The following PIK3CB variants were observed in gnomAD, a reference collection of about 807,000 sequenced individuals.
The protein encoded by PIK3CB is phosphatidylinositol 4,5-bisphosphate 3-kinase catalytic subunit beta isoform.
In PIK3CB, 39 loss-of-function variants were observed where a neutral mutation model predicts 136.8. The observed-to-expected ratio is 0.29, with a 90% confidence interval of 0.22 to 0.37. The LOEUF is 0.37. Ranked by LOEUF, PIK3CB falls within the 10% of genes least tolerant of loss-of-function variation. The pLI, the probability that PIK3CB is intolerant of heterozygous loss-of-function variation, is 1.00. For synonymous variants in PIK3CB, 428 were observed against 436.6 expected, an observed-to-expected ratio of 0.98 and a Z score of 0.25; for missense variants, 868 against 1,275.4, an observed-to-expected ratio of 0.68 and a Z score of 4.87.
At chr3:138,702,114 T>A (rs1403104154) in intron 12 of PIK3CB, among the ~76,000 whole-genome samples, 1 of 151,622 alleles carries the variant, frequency 6.6e-6, no homozygotes, top group Non-Finnish European at 1.5e-5. Context: ...ATTTTTTTTT[T>A]TTTTTTTAAA....
At chr3:138,825,457 A>G in intron 1 of PIK3CB, 3 of 700,752 alleles carry the variant, frequency 4.3e-6, no homozygotes, top group South Asian at 1.6e-5. Context: ...GGAAATCATT[A>G]AGGAAGTCAG....
intron 3 of PIK3CB, among the ~76,000 whole-genome samples, chr3:138,757,717 G>A (rs1250921638): frequency 6.7e-6 from 1 of 149,834 alleles, no homozygotes; most frequent in African/African-American, 2.5e-5. Context: ...AGGAAGAGAG[G>A]GAGGGAGGAA....
At chr3:138,788,978 AAAAAAAAAAAAAAACAAAAAAC>A (rs2046016301) in intron 2 of PIK3CB, among the ~76,000 whole-genome samples, 2 of 150,676 alleles carry the variant, frequency 1.3e-5, no homozygotes, top group African/African-American at 4.9e-5. Context: ...AAAAAAAAAA[AAAAAAAAAAAAAAACAAAAAAC>A]AACACCACAG....
chr3:138,766,946 A>G (rs536637646), intron 2 of PIK3CB, among the ~76,000 whole-genome samples: 1 of 152,320 alleles, frequency 6.6e-6, no homozygotes, highest in South Asian at 2.1e-4. Flanking sequence ...TATAGTATTA[A>G]GCTAAATATT....
At chr3:138,832,842 AAAAAAAAC>A (rs1173807054) in intron 1 of PIK3CB, among the ~76,000 whole-genome samples, 6 of 148,522 alleles carry the variant, frequency 4.0e-5, no homozygotes, top group Non-Finnish European at 4.5e-5. Context: ...AAAAAAAAAA[AAAAAAAAC>A]AAAATTGAAA....
In PIK3CB at chr3:138,796,532, G is replaced by A. The variant is rs1043485454; in HGVS notation, c.-86C>T. ...GCATTACTTATTTTTTAAAAGTGAC[G>A]TTTTCATGGAAGACTTTTTCCAGTT... On this transcript the variant is annotated 5_prime_UTR_variant, in exon 2 of 24. The change creates a new upstream start codon in the 5' untranslated region. Coordinates refer to ENST00000674063, the MANE Select transcript of PIK3CB (RefSeq NM_006219.3). 2.0e-5 allele frequency: 3 copies of A among 151,836 alleles called. No homozygotes were observed. Among genetic ancestry groups the A allele is most frequent in the African/African-American group, 2.4e-5 (1 of 41,338 alleles). 9.4% of individuals were successfully genotyped at this position (151,836 alleles called of 1,614,324 possible).
Position 138,759,267 on chromosome 3 carries a change from G to T in PIK3CB, c.77C>A (p.Ser26Tyr), listed in dbSNP as rs760521881. The T allele has an allele frequency of 3.6e-5, 58 of 1,613,042 alleles. 1 individual carries two copies. In the Admixed American group the frequency reaches 4.2e-4, roughly 12 times the overall value. The change falls in exon 3 of 24, where the codon TCT (serine) becomes TAT (tyrosine). Residue 26 changes from serine (S) to tyrosine (Y), a missense_variant. Ser to Tyr is a moderately radical substitution (Grantham distance 144). This residue lies in a region of PIK3CB where 612 missense variants were observed against 801.1 expected (regional missense o/e 0.76). Transcript: ENST00000674063. ...DIWAVDSQIASDGSIPVDFLL... is the reference protein window; with the variant it reads ...DIWAVDSQIAYDGSIPVDFLL... ...GAAATCCACAGGTATGGAGCCATCAGATGCTATCTGTGAATCCACCGCCCA... is the reference window on the plus strand; with the variant it reads ...GAAATCCACAGGTATGGAGCCATCATATGCTATCTGTGAATCCACCGCCCA...
At chr3:138,693,465 C>A (rs1294504514) in intron 14 of PIK3CB, among the ~76,000 whole-genome samples, 1 of 151,908 alleles carries the variant, frequency 6.6e-6, no homozygotes, top group African/African-American at 2.4e-5. Context: ...GTGGTACGAT[C>A]TCTGCCCACT....
At chr3:138,772,064 A>T (rs1051788652) in intron 2 of PIK3CB, among the ~76,000 whole-genome samples, 11 of 152,202 alleles carry the variant, frequency 7.2e-5, no homozygotes, top group Admixed American at 2.0e-4. Context: ...TGAAAAATTT[A>T]AAAAAATAAC....
chr3:138,829,257 AAAAAT>A (rs556084605), intron 1 of PIK3CB, among the ~76,000 whole-genome samples: 193 of 152,220 alleles, frequency 1.3e-3, no homozygotes, highest in African/African-American at 3.8e-3. Flanking sequence ...TCTCTATTTT[AAAAAT>A]AAAATAAAAT....
At chr3:138,736,962 G>C (rs1401408993) in intron 6 of PIK3CB, among the ~76,000 whole-genome samples, 1 of 151,956 alleles carries the variant, frequency 6.6e-6, no homozygotes, top group African/African-American at 2.4e-5. Context: ...CCATTTAATC[G>C]ATTTTTAAAT....
At chr3:138,711,048 C>T (rs958608590) in intron 10 of PIK3CB, among the ~76,000 whole-genome samples, 5 of 151,356 alleles carry the variant, frequency 3.3e-5, no homozygotes, top group African/African-American at 1.2e-4. Flanking sequence ...CACACCACTG[C>T]ACTCCAGCCG....
At chr3:138,829,082 G>A (rs1046245951) in intron 1 of PIK3CB, among the ~76,000 whole-genome samples, 4 of 151,470 alleles carry the variant, frequency 2.6e-5, no homozygotes, top group African/African-American at 7.3e-5. Context: ...GATTACAAGC[G>A]TGAGCCTCCG....
At chr3:138,785,387 A>T (rs1195449233) in intron 2 of PIK3CB, among the ~76,000 whole-genome samples, 1 of 152,200 alleles carries the variant, frequency 6.6e-6, no homozygotes, top group East Asian at 1.9e-4. Context: ...AAAGGGGGAA[A>T]TGTGGGGAAA....
intron 4 of PIK3CB, among the ~76,000 whole-genome samples, chr3:138,752,675 C>T (rs62280718): frequency 0.13 from 19,858 of 150,978 alleles, 1,789 homozygotes; most frequent in Non-Finnish European, 0.2. Flanking sequence ...CGCCACTATG[C>T]TCCAGAGTGG....
chr3:138,755,690 T>G, intron 4 of PIK3CB, 64 bp downstream of exon 4: 1 of 738,962 alleles, frequency 1.4e-6, no homozygotes. Flanking sequence ...TAAATATACT[T>G]ACTATATGTT....
At chr3:138,715,891 C>T (rs2044597066) in intron 8 of PIK3CB, among the ~76,000 whole-genome samples, 1 of 151,558 alleles carries the variant, frequency 6.6e-6, no homozygotes, top group African/African-American at 2.4e-5. Flanking sequence ...TTATCTAATT[C>T]CAGCTAAATG....
chr3:138,711,185 G>A (rs1372379733), intron 10 of PIK3CB, among the ~76,000 whole-genome samples: 5 of 145,942 alleles, frequency 3.4e-5, no homozygotes, highest in African/African-American at 1.3e-4. Context: ...TTATTATAAA[G>A]AAGACACTGT....
At chr3:138,692,029 TGA>T (rs2044019927) in intron 14 of PIK3CB, among the ~76,000 whole-genome samples, 1 of 152,184 alleles carries the variant, frequency 6.6e-6, no homozygotes, top group African/African-American at 2.4e-5. Flanking sequence ...AAGTGGGAAT[TGA>T]TCATTGAAAT....
Sources: allele counts gnomAD v4.1 joint callset (sites outside exome capture counted in the v4.1 genomes callset), GRCh38; gene constraint gnomAD v4.1.1; regional missense constraint gnomAD v4.1.1; transcripts MANE v1.5; gene names NCBI Gene and HGNC (gene_info 2026-07-23, HGNC 2026-07-21).